Variants in TCERG1 observed in about 807,000 individuals in gnomAD.
The protein encoded by TCERG1 is TATA box binding protein (TBP)-associated factor, RNA polymerase II, S, 150kD.
A neutral mutation model predicts 144.7 loss-of-function variants in TCERG1; 37 were observed. The ratio of observed to expected loss-of-function variants is 0.26; its 90% confidence interval spans 0.20 to 0.34. TCERG1 has a LOEUF of 0.34. Among genes scored for constraint, TCERG1 ranks in the 10% least tolerant of loss-of-function variants. The pLI is 1.00. For synonymous variants in TCERG1, 492 were observed against 458.2 expected, an observed-to-expected ratio of 1.07 and a Z score of -0.94; for missense variants, 1,027 against 1,380.7, an observed-to-expected ratio of 0.74 and a Z score of 4.06.
chr5:146,489,252 G>C lies in TCERG1; in HGVS notation c.2164-3668G>C, dbSNP rs530918185. 5.3e-5 allele frequency among the ~76,000 whole-genome samples: 8 copies of C among 152,192 alleles called. 1 individual carries two copies. In the South Asian group the frequency reaches 6.2e-4, roughly 12 times the overall value. On this transcript the variant is annotated intron_variant, in intron 15 of 22. Coordinates refer to ENST00000679501, the MANE Select transcript of TCERG1 (RefSeq NM_001382548.1). Reference sequence around the variant, plus strand: ...TTGAGATTGATATGCTAATTACCTTGATCTCATCACTACATGATATGTATT... The same window carrying C: ...TTGAGATTGATATGCTAATTACCTTCATCTCATCACTACATGATATGTATT...
intron 9 of TCERG1, among the ~76,000 whole-genome samples, chr5:146,474,299 A>T (rs1045089337): frequency 6.6e-6 from 1 of 152,212 alleles, no homozygotes; most frequent in Non-Finnish European, 1.5e-5. Context: ...CAAGAGAACT[A>T]GTATTAGAAA....
Position 146,497,238 on chromosome 5 carries a change from T to C in TCERG1, c.2283-1298T>C, listed in dbSNP as rs553396072. ...TCCAGGCTGGAGTGCAGTGGCACGATCTCGGCTCTACAGCCTTTGCCTCCC... is the reference window on the plus strand; with the variant it reads ...TCCAGGCTGGAGTGCAGTGGCACGACCTCGGCTCTACAGCCTTTGCCTCCC... On this transcript the variant is annotated intron_variant, in intron 16 of 22. Coordinates refer to ENST00000679501, the MANE Select transcript of TCERG1 (RefSeq NM_001382548.1). Among the ~76,000 whole-genome samples the C allele has an allele frequency of 2.1e-4, 32 of 152,314 alleles. 1 individual carries two copies. The highest frequency in any genetic ancestry group is 3.4e-3 in the Middle Eastern group (1 of 294).
At chr5:146,459,846 G>C (rs1763183820) in intron 4 of TCERG1, among the ~76,000 whole-genome samples, 2 of 152,192 alleles carry the variant, frequency 1.3e-5, no homozygotes, top group Non-Finnish European at 2.9e-5. Flanking sequence ...AGGATTTTCA[G>C]GTAGGAGAAG....
At chr5:146,468,270 T>G in intron 5 of TCERG1, 71 bp from the exon 6 acceptor site, 1 of 1,190,454 alleles carries the variant, frequency 8.4e-7, no homozygotes, top group Non-Finnish European at 1.2e-6. Flanking sequence ...GTAAATTATT[T>G]CCCTGAATCC....
At chr5:146,490,408 A>G (rs1265621076) in intron 15 of TCERG1, among the ~76,000 whole-genome samples, 1 of 152,194 alleles carries the variant, frequency 6.6e-6, no homozygotes, top group Non-Finnish European at 1.5e-5. Context: ...TCTTGAGAGA[A>G]TGTGCAGGGA....
At chr5:146,459,470 C>T (rs1763156716) in intron 4 of TCERG1, 133 bp downstream of exon 4, 2 of 1,457,926 alleles carry the variant, frequency 1.4e-6, no homozygotes, top group Non-Finnish European at 1.8e-6. Context: ...ACATTTTTGA[C>T]ACTAAAACTT....
chr5:146,489,523 C>T (rs1490521998), intron 15 of TCERG1, among the ~76,000 whole-genome samples: 1 of 152,070 alleles, frequency 6.6e-6, no homozygotes, highest in Non-Finnish European at 1.5e-5. Flanking sequence ...AATAATTTGT[C>T]ATTGAATCAG....
At chr5:146,510,363 G>A in intron 22 of TCERG1, 78 bp from the exon 23 acceptor site, 8 of 910,130 alleles carry the variant, frequency 8.8e-6, no homozygotes, top group South Asian at 5.1e-5. Flanking sequence ...TTAGGAACTA[G>A]ATGGACATTT....
chr5:146,479,991 T>C, intron 11 of TCERG1, 37 bp from the exon 12 acceptor site: 1 of 1,593,314 alleles, frequency 6.3e-7, no homozygotes, highest in Non-Finnish European at 8.6e-7. Context: ...GCAGAAGGAT[T>C]CATTCCTAAA....
intron 1 of TCERG1, among the ~76,000 whole-genome samples, chr5:146,452,812 G>A (rs1415772914): frequency 6.6e-6 from 1 of 152,074 alleles, no homozygotes; most frequent in Non-Finnish European, 1.5e-5. Flanking sequence ...GGTTGATGTT[G>A]AACTCCTGAC....
chr5:146,468,402 C>A lies in TCERG1; in HGVS notation c.1197C>A (p.Thr399=). The A allele has an allele frequency of 6.2e-7, 1 of 1,609,080 alleles. No homozygotes were observed. The highest frequency in any genetic ancestry group is 8.5e-7 in the Non-Finnish European group (1 of 1,177,482). Residue 399 remains threonine, a splice_region_variant and synonymous_variant, in exon 6 of 23, where the codon ACC becomes ACA. Transcript: ENST00000679501. Reference sequence around the variant, plus strand: ...TAAAGACAGTCGCTACCACCAAGACCGGTAATTTTTAAAACCATCTTAGTT... The same window carrying A: ...TAAAGACAGTCGCTACCACCAAGACAGGTAATTTTTAAAACCATCTTAGTT... The part of the protein sequence containing the change: ...PYVKTVATTK[T]GVLPGMAPPI...
intron 1 of TCERG1, among the ~76,000 whole-genome samples, chr5:146,452,366 T>G (rs1419678740): frequency 6.6e-6 from 1 of 152,098 alleles, no homozygotes; most frequent in Non-Finnish European, 1.5e-5. Context: ...ACTCAGTAAA[T>G]GGGTGGAATT....
At chr5:146,477,692 CTTTTT>C (rs1168989847) in intron 9 of TCERG1, among the ~76,000 whole-genome samples, 2 of 79,386 alleles carry the variant, frequency 2.5e-5, no homozygotes, top group African/African-American at 1.0e-4. Context: ...TGGTACTTTA[CTTTTT>C]TTTTTTTTTT....
intron 19 of TCERG1, chr5:146,505,667 G>T (rs931839799): frequency 2.6e-5 from 4 of 152,148 alleles, no homozygotes; most frequent in African/African-American, 9.7e-5. Flanking sequence ...GACCTATCTA[G>T]GCAGATTCGA....
At chr5:146,468,543 A>G in intron 6 of TCERG1, 140 bp downstream of exon 6, 1 of 659,510 alleles carries the variant, frequency 1.5e-6, no homozygotes, top group Admixed American at 3.8e-5. Flanking sequence ...GTATAAATGC[A>G]GTTGTCATAT....
chr5:146,461,615 C>T (rs1231815140), intron 4 of TCERG1, among the ~76,000 whole-genome samples: 1 of 152,110 alleles, frequency 6.6e-6, no homozygotes, highest in Non-Finnish European at 1.5e-5. Context: ...TATTTTTTGT[C>T]ATCTCCATTG....
Position 146,471,591 on chromosome 5 carries a change from C to T in TCERG1, c.1601+15C>T, listed in dbSNP as rs1247677142. The T allele has an allele frequency of 1.3e-6, 2 of 1,582,962 alleles. No individual in the cohort carries two copies. The highest frequency in any genetic ancestry group is 1.8e-5 in the Admixed American group (1 of 57,086). On this transcript the variant is annotated intron_variant, in intron 9 of 22. Coordinates refer to ENST00000679501, the MANE Select transcript of TCERG1 (RefSeq NM_001382548.1). ...GGTACTCCATGGTATGTATTTGGCT[C>T]AAGTAGTAATTTTTTTTTTTTTTTT...
intron 21 of TCERG1, 53 bp downstream of exon 21, chr5:146,508,009 G>T: frequency 7.6e-7 from 1 of 1,319,202 alleles, no homozygotes; most frequent in Non-Finnish European, 1.1e-6. Flanking sequence ...ACTTAAATCG[G>T]GGCCTAACAG....
chr5:146,451,319 C>CTTTTTT (rs56346846), intron 1 of TCERG1, among the ~76,000 whole-genome samples: 3 of 138,892 alleles, frequency 2.2e-5, no homozygotes, highest in African/African-American at 5.3e-5. Flanking sequence ...ATCCATATTC[C>CTTTTTT]TTTTTTTTTT....
Sources: gnomAD v4.1 joint callset for allele counts (sites outside exome capture counted in the v4.1 genomes callset) on GRCh38, gnomAD v4.1.1 for gene constraint, MANE v1.5 for transcripts, NCBI Gene and HGNC (gene_info 2026-07-23, HGNC 2026-07-21) for gene names.